HSPBAP1: variants seen among roughly 807,000 people sequenced by gnomAD.
HSPBAP1 encodes the protein HSPB1-associated protein 1.
In HSPBAP1, 27 loss-of-function variants were observed where a neutral mutation model predicts 45.2. That is an observed-to-expected ratio of 0.60 (90% CI 0.44 to 0.82). The LOEUF (loss-of-function observed/expected upper bound fraction) is 0.82. Ranked by LOEUF, HSPBAP1 falls within the 40% of genes least tolerant of loss-of-function variation. The pLI, the probability that HSPBAP1 is intolerant of heterozygous loss-of-function variation, is 0.00. For synonymous variants in HSPBAP1, 204 were observed against 202.7 expected, an observed-to-expected ratio of 1.01 and a Z score of -0.06; for missense variants, 510 against 590.9, an observed-to-expected ratio of 0.86 and a Z score of 1.42.
Position 122,740,726 on chromosome 3 carries a change from G to A in HSPBAP1, c.1086C>T (p.Cys362=). ...CTGTTTGGCCCACCTCCATGTGGTT[G>A]CACACATTTAATTCTTCCTTTTTCA... ...EHMKKEELNV[C]NHMEVGQTGS... The change falls in exon 8 of 8, where the codon TGC becomes TGT. Residue 362 remains cysteine, a synonymous_variant. Transcript: ENST00000306103. The A allele has an allele frequency of 6.2e-7, 1 of 1,614,092 alleles. No individual in the cohort carries two copies. The highest frequency in any genetic ancestry group is 8.5e-7 in the Non-Finnish European group (1 of 1,180,034).
Position 122,755,316 on chromosome 3 carries a change from G to A in HSPBAP1, c.685C>T (p.Arg229Cys), listed in dbSNP as rs751933631. ...KINVVNPDLK[R>C]FPQFRKAQRH... ...TGAGCTTTCCGGAACTGAGGAAAAC[G>A]CTTTAAATCAGGATTGACAACATTG... Residue 229 changes from arginine (R) to cysteine (C), a missense_variant, in exon 5 of 8, where the codon CGT becomes TGT. Transcript: ENST00000306103. 1.0e-5 allele frequency: 16 copies of A among 1,603,884 alleles called. No homozygotes were observed. Among genetic ancestry groups the A allele is most frequent in the East Asian group, 4.5e-5 (2 of 44,116 alleles).
chr3:122,770,660 C>T (rs1358054423), intron 2 of HSPBAP1, among the ~76,000 whole-genome samples: 1 of 152,128 alleles, frequency 6.6e-6, no homozygotes, highest in East Asian at 1.9e-4. Context: ...GAGATTGTGT[C>T]ACCGCACTCC....
rs1934194432 is a variant in HSPBAP1 at position 122,752,573 on chromosome 3, AAAAC to A, written c.825+14_825+17del. On this transcript the variant is annotated intron_variant, in intron 6 of 7. Transcript: ENST00000306103. ...TTTGCACTTACTTAAAAAAAAAAAAAAAACAACGAAAAAGTACCAGTTCAATCCA... is the reference window on the plus strand; with the variant it reads ...TTTGCACTTACTTAAAAAAAAAAAAAAACGAAAAAGTACCAGTTCAATCCA... 7 of 1,512,966 alleles carry A rather than the reference AAAAC, an allele frequency of 4.6e-6. No individual in the cohort carries two copies. The highest frequency in any genetic ancestry group is 6.3e-6 in the Non-Finnish European group (7 of 1,115,072). 93.7% of individuals were successfully genotyped at this position (1,512,966 alleles called of 1,614,324 possible).
chr3:122,759,451 A>G, intron 3 of HSPBAP1, 91 bp from the exon 4 acceptor site: 3 of 1,315,324 alleles, frequency 2.3e-6, no homozygotes, highest in Non-Finnish European at 3.2e-6. Context: ...TCTGTTATTT[A>G]GCAGTTGGAA....
chr3:122,780,081 C>T (rs1482752935), intron 1 of HSPBAP1, among the ~76,000 whole-genome samples: 1 of 151,462 alleles, frequency 6.6e-6, no homozygotes, highest in African/African-American at 2.4e-5. Flanking sequence ...CCAGTAGGGG[C>T]GGCCGGGCAG....
chr3:122,772,155 G>A (rs1041806229), intron 2 of HSPBAP1, among the ~76,000 whole-genome samples: 2 of 152,126 alleles, frequency 1.3e-5, no homozygotes, highest in African/African-American at 4.8e-5. Flanking sequence ...TTTACTGAGA[G>A]CCAAATAGAC....
rs1210344430 is a variant in HSPBAP1 at position 122,793,101 on chromosome 3, C to A, written c.64+516G>T. On this transcript the variant is annotated intron_variant, in intron 1 of 7. Coordinates refer to ENST00000306103, the MANE Select transcript of HSPBAP1 (RefSeq NM_024610.6). The stretch of plus-strand genomic sequence containing the variant: ...AATATTCAAAAGTCTCTGGATCCTG[C>A]GACAGTATTCAGAACACAGCCCTGC... Among the ~76,000 whole-genome samples the A allele has an allele frequency of 3.9e-5, 6 of 152,054 alleles. No individual in the cohort carries two copies. The East Asian group carries it at 9.6e-4, about 24-fold the overall frequency.
intron 1 of HSPBAP1, 44 bp from the exon 2 acceptor site, chr3:122,777,950 G>GT (rs1455317506): frequency 1.5e-6 from 2 of 1,342,244 alleles, no homozygotes; most frequent in Admixed American, 2.0e-5. Context: ...AAACTATCAA[G>GT]TTTTTTCATA....
intron 6 of HSPBAP1, among the ~76,000 whole-genome samples, chr3:122,747,805 G>A (rs1309741853): frequency 6.6e-6 from 1 of 151,676 alleles, no homozygotes; most frequent in Non-Finnish European, 1.5e-5. Flanking sequence ...CGGGAGGTGA[G>A]GGGCGCCTCT....
intron 5 of HSPBAP1, chr3:122,753,756 G>A: frequency 1.0e-6 from 1 of 985,222 alleles, no homozygotes; most frequent in Non-Finnish European, 1.2e-6. Context: ...CCACTTGATA[G>A]TCATTAGTAG....
At position 122,740,214 on chromosome 3, in the gene HSPBAP1, G is replaced by T; in HGVS notation, c.*131C>A. 1.9e-6 allele frequency: 1 copy of T among 532,130 alleles called. No individual in the cohort carries two copies. Among genetic ancestry groups the T allele is most frequent in the Non-Finnish European group, 3.0e-6 (1 of 330,540 alleles). 33.0% of individuals were successfully genotyped at this position (532,130 alleles called of 1,614,324 possible). On this transcript the variant is annotated 3_prime_UTR_variant, in exon 8 of 8. Transcript: ENST00000306103. ...AAAGAAGGTGGCAACAGACTGACAT[G>T]TAATTCGGTAAGGATAAATACATTT... is the stretch of plus-strand genomic sequence containing the variant.
chr3:122,781,845 C>A (rs868624710), intron 1 of HSPBAP1, among the ~76,000 whole-genome samples: 1 of 152,104 alleles, frequency 6.6e-6, no homozygotes, highest in African/African-American at 2.4e-5. Flanking sequence ...TATATACACA[C>A]CATATTTTCT....
At chr3:122,773,110 T>G (rs943096646) in intron 2 of HSPBAP1, among the ~76,000 whole-genome samples, 2 of 151,982 alleles carry the variant, frequency 1.3e-5, no homozygotes, top group Admixed American at 6.6e-5. Flanking sequence ...CTAGGCCTCC[T>G]ACAGTGCTGG....
rs1491088923 is a variant in HSPBAP1 at position 122,778,213 on chromosome 3, TTG to T, written c.65-309_65-308del. ...CACAGTACTCAACAGGTAGTTTTTT[TTG>T]TTGTTTTTTTTTTTTAATGTGTATA... On this transcript the variant is annotated intron_variant, in intron 1 of 7. Transcript: ENST00000306103. 2.3e-3 allele frequency among the ~76,000 whole-genome samples: 161 copies of T among 68,662 alleles called. 1 individual carries two copies. The highest frequency in any genetic ancestry group is 4.7e-3 in the Non-Finnish European group (107 of 22,942). The allele number at this position is 68,662 out of a possible 152,430, so 45.0% of individuals were successfully genotyped here. A position where few individuals can be genotyped will look rare whatever the true frequency, so the allele number is the denominator to read the frequency against.
intron 1 of HSPBAP1, among the ~76,000 whole-genome samples, chr3:122,783,318 A>G (rs550828002): frequency 1.1e-4 from 17 of 152,338 alleles, no homozygotes; most frequent in African/African-American, 4.1e-4. Flanking sequence ...ATACAGGCCT[A>G]TGAATCTAAG....
chr3:122,787,563 T>C (rs1935693967), intron 1 of HSPBAP1, among the ~76,000 whole-genome samples: 2 of 152,186 alleles, frequency 1.3e-5, no homozygotes, highest in Admixed American at 6.5e-5. Context: ...TAAGAGTAAG[T>C]CACACATTAC....
intron 6 of HSPBAP1, among the ~76,000 whole-genome samples, chr3:122,750,760 C>T (rs1463727648): frequency 2.0e-5 from 3 of 152,074 alleles, no homozygotes; most frequent in African/African-American, 7.3e-5. Context: ...TCTTCCTGTG[C>T]CAGAAAGCCA....
At chr3:122,777,691 C>A in intron 2 of HSPBAP1, 30 bp downstream of exon 2, 1 of 1,516,856 alleles carries the variant, frequency 6.6e-7, no homozygotes, top group Non-Finnish European at 9.1e-7. Context: ...CCTGAAGAGA[C>A]ATTATGATGG....
chr3:122,740,294 TA>T lies in HSPBAP1; in HGVS notation c.*50del. 1 of 1,190,960 alleles carries T rather than the reference TA, an allele frequency of 8.4e-7. No homozygotes were observed. 73.8% of individuals were successfully genotyped at this position (1,190,960 alleles called of 1,614,324 possible). ...TCATCTTTATTTTAGTCATACTACT[TA>T]AAAATATATATTTAAAAAATATTAT... On this transcript the variant is annotated 3_prime_UTR_variant, in exon 8 of 8. Transcript: ENST00000306103.
Sources: gnomAD v4.1 joint callset for allele counts (sites outside exome capture counted in the v4.1 genomes callset) on GRCh38, gnomAD v4.1.1 for gene constraint, MANE v1.5 for transcripts, NCBI Gene and HGNC (gene_info 2026-07-23, HGNC 2026-07-21) for gene names.